Variants in RORB observed in about 807,000 individuals in gnomAD.
RORB encodes the protein nuclear receptor ROR-beta.
Under a neutral mutation model 59.1 loss-of-function variants are expected in RORB, and 6 were observed. The observed-to-expected ratio is 0.10, with a 90% CI of 0.06 to 0.20. RORB has a LOEUF of 0.20. Ranked by LOEUF, RORB falls within the 10% of genes least tolerant of loss-of-function variation. The probability of loss-of-function intolerance (pLI) is 1.00; values close to 1 mark genes in which losing one functional copy is unlikely to be tolerated. For synonymous variants in RORB, 215 were observed against 204.5 expected (o/e 1.05, Z -0.44); for missense variants, 320 against 560.5 (o/e 0.57, Z 4.33).
At chr9:74,670,151 T>A (rs1824325438) in intron 8 of RORB, among the ~76,000 whole-genome samples, 1 of 152,166 alleles carries the variant, frequency 6.6e-6, no homozygotes, top group Non-Finnish European at 1.5e-5. Flanking sequence ...AATACTTTTC[T>A]CTGTTAGCAG....
Position 74,520,562 on chromosome 9 carries a change from T to C in RORB, c.7+22579T>C, listed in dbSNP as rs1376096332. On this transcript the variant is annotated intron_variant, in intron 1 of 9. Coordinates refer to ENST00000376896, the MANE Select transcript of RORB (RefSeq NM_006914.4). ...AATAAATATCAAATCTACTAGGTTCTTTTTTAATTTTTTTTTGTTTATTAA... is the reference window on the plus strand; with the variant it reads ...AATAAATATCAAATCTACTAGGTTCCTTTTTAATTTTTTTTTGTTTATTAA... 2.6e-5 allele frequency among the ~76,000 whole-genome samples: 4 copies of C among 152,088 alleles called. No homozygotes were observed. In the East Asian group the frequency reaches 5.8e-4, roughly 22 times the overall value.
chr9:74,537,943 C>A (rs1043044986), intron 1 of RORB, among the ~76,000 whole-genome samples: 12 of 152,204 alleles, frequency 7.9e-5, no homozygotes, highest in African/African-American at 2.9e-4. Flanking sequence ...ATTCACTCAG[C>A]TCTCACTCAC....
Position 74,689,908 on chromosome 9 carries a change from A to C in RORB, c.*4290A>C, listed in dbSNP as rs1824711920. Reference sequence around the variant, plus strand: ...TCTGTTCATTATAGAAGCAAGGAAAAATTCTATTTCTATTGGAAATTAGAA... The same window carrying C: ...TCTGTTCATTATAGAAGCAAGGAAACATTCTATTTCTATTGGAAATTAGAA... On this transcript the variant is annotated 3_prime_UTR_variant, in exon 10 of 10. Transcript: ENST00000376896. 6.6e-6 allele frequency: 1 copy of C among 152,186 alleles called. No individual in the cohort carries two copies. Among genetic ancestry groups the C allele is most frequent in the Non-Finnish European group, 1.5e-5 (1 of 68,028 alleles). 9.4% of individuals were successfully genotyped at this position (152,186 alleles called of 1,614,324 possible).
intron 1 of RORB, among the ~76,000 whole-genome samples, chr9:74,588,813 G>A (rs1822845751): frequency 6.6e-6 from 1 of 152,084 alleles, no homozygotes; most frequent in African/African-American, 2.4e-5. Context: ...GTGATTCAAA[G>A]CAAGATATCT....
intron 8 of RORB, among the ~76,000 whole-genome samples, chr9:74,671,086 G>A (rs1019664354): frequency 4.0e-5 from 6 of 151,864 alleles, no homozygotes; most frequent in Non-Finnish European, 8.8e-5. Flanking sequence ...GAAGGAAGGA[G>A]AGAGTGAAGG....
chr9:74,529,763 A>G (rs1451226195), intron 1 of RORB, among the ~76,000 whole-genome samples: 1 of 151,876 alleles, frequency 6.6e-6, no homozygotes, highest in East Asian at 1.9e-4. Flanking sequence ...GGAAATGAAA[A>G]CTAGCTCCCT....
chr9:74,661,598 A>T (rs115820568), intron 5 of RORB, among the ~76,000 whole-genome samples: 2,095 of 110,420 alleles, frequency 0.019, 46 homozygotes, highest in African/African-American at 0.066. Flanking sequence ...GAATGATTTG[A>T]TTTGATGTAA....
In RORB at chr9:74,690,671, T is replaced by C. The variant is rs1780474570; in HGVS notation, c.*5053T>C. 6.6e-6 allele frequency: 1 copy of C among 152,204 alleles called. No homozygotes were observed. The highest frequency in any genetic ancestry group is 2.1e-4 in the South Asian group (1 of 4,836). 9.4% of individuals were successfully genotyped at this position (152,204 alleles called of 1,614,324 possible). A position where few individuals can be genotyped will look rare whatever the true frequency, so the allele number is the denominator to read the frequency against. On this transcript the variant is annotated 3_prime_UTR_variant, in exon 10 of 10. Coordinates refer to ENST00000376896, the MANE Select transcript of RORB (RefSeq NM_006914.4). ...GACGATATTAGAATGATATTAGTTT[T>C]GGAAGGAGGGGATGGAGATCTTCCC... is the stretch of plus-strand genomic sequence containing the variant.
chr9:74,588,882 A>G (rs1822847026), intron 1 of RORB, among the ~76,000 whole-genome samples: 1 of 151,962 alleles, frequency 6.6e-6, no homozygotes, highest in Non-Finnish European at 1.5e-5. Context: ...CCATGTTAAC[A>G]TTTCTTATTT....
intron 1 of RORB, among the ~76,000 whole-genome samples, chr9:74,512,890 C>G (rs1363850405): frequency 6.6e-6 from 1 of 152,104 alleles, no homozygotes; most frequent in Admixed American, 6.6e-5. Flanking sequence ...TGGTTCCCAA[C>G]ACGGAAAACT....
At chr9:74,524,889 C>T (rs1252438141) in intron 1 of RORB, among the ~76,000 whole-genome samples, 1 of 151,580 alleles carries the variant, frequency 6.6e-6, no homozygotes, top group African/African-American at 2.4e-5. Context: ...TTTCCTAATA[C>T]CTAATATTTC....
chr9:74,590,581 G>A (rs902490074), intron 1 of RORB, among the ~76,000 whole-genome samples: 2 of 152,094 alleles, frequency 1.3e-5, no homozygotes, highest in African/African-American at 4.8e-5. Context: ...TGCCAAGCAG[G>A]TTGAGTTGCA....
chr9:74,518,785 C>T (rs1015291457), intron 1 of RORB, among the ~76,000 whole-genome samples: 1 of 151,846 alleles, frequency 6.6e-6, no homozygotes, highest in Admixed American at 6.6e-5. Flanking sequence ...TAAGATGTGC[C>T]GCTGGGATGC....
chr9:74,607,393 T>C (rs1237612209), intron 1 of RORB, among the ~76,000 whole-genome samples: 1 of 152,178 alleles, frequency 6.6e-6, no homozygotes, highest in Non-Finnish European at 1.5e-5. Flanking sequence ...ACGGTGAGGC[T>C]TGCCACTTTA....
At chr9:74,527,102 A>AC (rs1273136456) in intron 1 of RORB, among the ~76,000 whole-genome samples, 2 of 152,034 alleles carry the variant, frequency 1.3e-5, no homozygotes, top group Non-Finnish European at 1.5e-5. Context: ...GAATTTAGAA[A>AC]CCGTAAGCAT....
intron 6 of RORB, among the ~76,000 whole-genome samples, chr9:74,662,828 A>G (rs933199778): frequency 7.2e-5 from 11 of 152,152 alleles, no homozygotes; most frequent in Admixed American, 5.2e-4. Context: ...AAGTGGAGCT[A>G]TTAATTGCGG....
intron 1 of RORB, among the ~76,000 whole-genome samples, chr9:74,528,665 T>C (rs996814748): frequency 1.3e-5 from 2 of 152,054 alleles, no homozygotes; most frequent in African/African-American, 2.4e-5. Flanking sequence ...CATCTTCTTT[T>C]GTAATATTAC....
chr9:74,644,111 C>G (rs1162574291), intron 4 of RORB, among the ~76,000 whole-genome samples: 1 of 152,202 alleles, frequency 6.6e-6, no homozygotes, highest in East Asian at 1.9e-4. Context: ...TTAAATTAAG[C>G]TGCTGTGAAC....
chr9:74,535,167 T>A (rs1199076971), intron 1 of RORB, among the ~76,000 whole-genome samples: 1 of 152,036 alleles, frequency 6.6e-6, no homozygotes, highest in African/African-American at 2.4e-5. Context: ...GTGTTGTGTG[T>A]GTGTATGTGT....
Sources: gnomAD v4.1 joint callset for allele counts (sites outside exome capture counted in the v4.1 genomes callset) on GRCh38, gnomAD v4.1.1 for gene constraint, MANE v1.5 for transcripts, NCBI Gene and HGNC (gene_info 2026-07-23, HGNC 2026-07-21) for gene names.